The following MIR2052HG variants were observed in gnomAD, a reference collection of about 807,000 sequenced individuals.
MIR2052HG encodes the protein MIR2052 host gene.
chr8:74,724,871 C>A (rs1232300701), intron 4 of MIR2052HG, among the ~76,000 whole-genome samples: 1 of 151,882 alleles, frequency 6.6e-6, no homozygotes, highest in African/African-American at 2.4e-5. Context: ...TTTTCTCCAA[C>A]TTTACCTGGC....
intron 4 of MIR2052HG, among the ~76,000 whole-genome samples, chr8:74,751,815 C>T (rs1809949651): frequency 6.6e-6 from 1 of 152,082 alleles, no homozygotes; most frequent in Non-Finnish European, 1.5e-5. Context: ...AATGTGTAAT[C>T]ACTACTAGGT....
intron 2 of MIR2052HG, among the ~76,000 whole-genome samples, chr8:74,643,982 T>G (rs1312902489): frequency 6.6e-6 from 1 of 152,236 alleles, no homozygotes; most frequent in African/African-American, 2.4e-5. Flanking sequence ...TTTCTTACTT[T>G]TGTATCCTCA....
chr8:74,638,926 C>T (rs541286901), intron 2 of MIR2052HG, among the ~76,000 whole-genome samples: 9 of 152,198 alleles, frequency 5.9e-5, no homozygotes, highest in Admixed American at 2.0e-4. Flanking sequence ...AGGCTGAGGA[C>T]TGAGTCCTGG....
intron 2 of MIR2052HG, among the ~76,000 whole-genome samples, chr8:74,651,069 T>C (rs978294107): frequency 6.6e-6 from 1 of 152,164 alleles, no homozygotes; most frequent in Non-Finnish European, 1.5e-5. Flanking sequence ...AAATCATCTG[T>C]GTATACGTTT....
At chr8:74,618,522 T>C (rs976431631) in intron 2 of MIR2052HG, among the ~76,000 whole-genome samples, 1 of 152,144 alleles carries the variant, frequency 6.6e-6, no homozygotes, top group Non-Finnish European at 1.5e-5. Flanking sequence ...TCCATCACAT[T>C]AACAGAATGA....
At chr8:74,705,313 T>C (rs1809399333) in intron 4 of MIR2052HG, among the ~76,000 whole-genome samples, 1 of 152,070 alleles carries the variant, frequency 6.6e-6, no homozygotes, top group Non-Finnish European at 1.5e-5. Context: ...AAATTAAAAG[T>C]ATTTAACGTT....
chr8:74,604,171 A>G (rs1205591632), intron 1 of MIR2052HG: 1 of 897,906 alleles, frequency 1.1e-6, no homozygotes, highest in East Asian at 2.4e-5. Flanking sequence ...GATACTGCCA[A>G]CTTCCTTTCC....
At chr8:74,614,904 C>A (rs1303697861) in intron 2 of MIR2052HG, among the ~76,000 whole-genome samples, 1 of 151,660 alleles carries the variant, frequency 6.6e-6, no homozygotes, top group Non-Finnish European at 1.5e-5. Context: ...GACAAAATAT[C>A]CCTGAATTTT....
intron 1 of MIR2052HG, among the ~76,000 whole-genome samples, chr8:74,607,920 A>G (rs370461503): frequency 7.2e-5 from 11 of 152,278 alleles, no homozygotes; most frequent in African/African-American, 9.6e-5. Context: ...ACAAGGGAGA[A>G]AGCAAGCAGG....
chr8:74,737,276 A>G (rs1440686600), intron 4 of MIR2052HG, among the ~76,000 whole-genome samples: 1 of 152,190 alleles, frequency 6.6e-6, no homozygotes, highest in African/African-American at 2.4e-5. Context: ...GTGGGCTACA[A>G]CTTCATTTAC....
chr8:74,688,151 TATAAC>T (rs1368003289), intron 2 of MIR2052HG, among the ~76,000 whole-genome samples: 2 of 152,224 alleles, frequency 1.3e-5, no homozygotes, highest in Non-Finnish European at 2.9e-5. Flanking sequence ...TATGCAATCT[TATAAC>T]AGAATGAGAT....
chr8:74,694,683 G>A (rs935758861), intron 2 of MIR2052HG, among the ~76,000 whole-genome samples: 2 of 152,156 alleles, frequency 1.3e-5, no homozygotes, highest in African/African-American at 2.4e-5. Flanking sequence ...CACACTTAGA[G>A]AAATGCAATA....
intron 2 of MIR2052HG, among the ~76,000 whole-genome samples, chr8:74,628,320 A>G (rs1312311569): frequency 1.3e-5 from 2 of 152,208 alleles, no homozygotes; most frequent in Non-Finnish European, 2.9e-5. Flanking sequence ...TGGTCCAAAG[A>G]AATAAAACAT....
chr8:74,738,133 G>GTATC (rs56976671), intron 4 of MIR2052HG, among the ~76,000 whole-genome samples: 15,634 of 149,538 alleles, frequency 0.1, 1,706 homozygotes, highest in African/African-American at 0.28. Flanking sequence ...ATGTATGTAT[G>GTATC]TATCTATCTA....
intron 2 of MIR2052HG, among the ~76,000 whole-genome samples, chr8:74,670,435 G>A (rs1015993294): frequency 1.3e-5 from 2 of 152,152 alleles, no homozygotes; most frequent in African/African-American, 2.4e-5. Flanking sequence ...TCAAGAATCA[G>A]GTTGAAGTAT....
At chr8:74,686,002 A>C (rs1373504144) in intron 2 of MIR2052HG, among the ~76,000 whole-genome samples, 13 of 152,036 alleles carry the variant, frequency 8.6e-5, no homozygotes, top group Non-Finnish European at 4.4e-5. Context: ...TTGCTCTCTC[A>C]GTTCTTTATT....
chr8:74,742,494 G>T (rs1017158473), intron 4 of MIR2052HG, among the ~76,000 whole-genome samples: 3 of 152,004 alleles, frequency 2.0e-5, no homozygotes, highest in African/African-American at 7.2e-5. Flanking sequence ...CTTCATCTTT[G>T]TTGATCTTTG....
chr8:74,683,578 A>G (rs900578730), intron 2 of MIR2052HG, among the ~76,000 whole-genome samples: 6 of 152,104 alleles, frequency 3.9e-5, no homozygotes, highest in African/African-American at 7.2e-5. Flanking sequence ...GATTCATTTT[A>G]ACCATCCATG....
chr8:74,727,027 T>G (rs1371019741), intron 4 of MIR2052HG, among the ~76,000 whole-genome samples: 1 of 152,242 alleles, frequency 6.6e-6, no homozygotes, highest in African/African-American at 2.4e-5. Flanking sequence ...AAATCCCGTC[T>G]GTACAGACAA....
Sources: gnomAD v4.1 joint callset for allele counts (sites outside exome capture counted in the v4.1 genomes callset) on GRCh38, gnomAD v4.1.1 for gene constraint, MANE v1.5 for transcripts, NCBI Gene and HGNC (gene_info 2026-07-23, HGNC 2026-07-21) for gene names.